Variants in RAD54B observed in about 807,000 individuals in gnomAD.
RAD54B encodes DNA repair and recombination protein RAD54B.
RAD54B carries 78 observed loss-of-function variants against 95.8 expected under a neutral mutation model. That is an observed-to-expected ratio of 0.81 (90% confidence interval 0.68 to 0.98). The LOEUF (loss-of-function observed/expected upper bound fraction) is 0.98, where lower values mean the gene tolerates loss of function less well. Ranked by LOEUF, RAD54B falls within the 50% of genes least tolerant of loss-of-function variation. The pLI is 0.00. For synonymous variants in RAD54B, 328 were observed against 354.9 expected (o/e 0.92, Z 0.85); for missense variants, 957 against 1,056.6 (o/e 0.91, Z 1.31).
Position 94,467,479 on chromosome 8 carries a change from T to C in RAD54B, c.61A>G (p.Ile21Val). The change falls in exon 2 of 15, where the codon ATA (isoleucine) becomes GTA (valine). Residue 21 changes from isoleucine (I) to valine (V), a missense_variant. Coordinates refer to ENST00000336148, the MANE Select transcript of RAD54B (RefSeq NM_012415.3). ...CCTGGATTACTTCTTCCTGGAGGTA[T>C]AAATTTTGGTTTTTTGAAGGAATTC... Reference protein sequence around the residue: ...QGNSFKKPKFIPPGRSNPGLN... With the variant: ...QGNSFKKPKFVPPGRSNPGLN... 1.9e-6 allele frequency: 3 copies of C among 1,613,848 alleles called. No homozygotes were observed. The highest frequency in any genetic ancestry group is 2.2e-5 in the East Asian group (1 of 44,884).
At chr8:94,377,826 A>G (rs1810629110) in intron 14 of RAD54B, among the ~76,000 whole-genome samples, 1 of 148,362 alleles carries the variant, frequency 6.7e-6, no homozygotes, top group Non-Finnish European at 1.5e-5. Flanking sequence ...AATACAAAAA[A>G]TTAGCCGGGC....
At chr8:94,401,269 G>A (rs59111232) in intron 6 of RAD54B, among the ~76,000 whole-genome samples, 12,184 of 151,806 alleles carry the variant, frequency 0.08, 1,012 homozygotes, top group African/African-American at 0.21. Flanking sequence ...TACCTCTCTT[G>A]CCTCCCTTCT....
chr8:94,455,700 T>C (rs1812763410), intron 3 of RAD54B, among the ~76,000 whole-genome samples: 1 of 152,198 alleles, frequency 6.6e-6, no homozygotes. Context: ...AGCAGGGCTA[T>C]GCTCTCTCTG....
At chr8:94,462,553 G>A (rs751746269) in intron 2 of RAD54B, among the ~76,000 whole-genome samples, 5 of 151,946 alleles carry the variant, frequency 3.3e-5, no homozygotes, top group Non-Finnish European at 7.4e-5. Flanking sequence ...CCCAGATTTT[G>A]TATTTATCAG....
chr8:94,376,577 A>G (rs908542988), intron 14 of RAD54B, among the ~76,000 whole-genome samples: 2 of 151,318 alleles, frequency 1.3e-5, no homozygotes, highest in African/African-American at 2.4e-5. Context: ...TAATATTTTT[A>G]ATTACCAAAA....
chr8:94,373,954 G>A (rs1692069361), intron 14 of RAD54B, among the ~76,000 whole-genome samples: 1 of 152,104 alleles, frequency 6.6e-6, no homozygotes, highest in Non-Finnish European at 1.5e-5. Flanking sequence ...TCAAATTCTT[G>A]TCAGTGTTCA....
In RAD54B at chr8:94,430,806, C is replaced by T. The variant is rs79322802; in HGVS notation, c.305-19491G>A. On this transcript the variant is annotated intron_variant, in intron 3 of 14. Coordinates refer to ENST00000336148, the MANE Select transcript of RAD54B (RefSeq NM_012415.3). ...TTTATCCCCGCATGTGAAAATTCTGCTGGAGCTAAACAGCAGCTACCCTAC... is the reference window on the plus strand; with the variant it reads ...TTTATCCCCGCATGTGAAAATTCTGTTGGAGCTAAACAGCAGCTACCCTAC... 1.6e-3 allele frequency: 1,601 copies of T among 985,432 alleles called. 17 individuals are homozygous for T. The African/African-American group carries it at 0.026, about 16-fold the overall frequency. 61.0% of individuals were successfully genotyped at this position (985,432 alleles called of 1,614,324 possible).
At chr8:94,464,673 A>C (rs894789237) in intron 2 of RAD54B, among the ~76,000 whole-genome samples, 1 of 152,246 alleles carries the variant, frequency 6.6e-6, no homozygotes, top group Non-Finnish European at 1.5e-5. Context: ...AGTTGTAGTA[A>C]GTAGACTGTA....
At chr8:94,464,155 T>C (rs1005546413) in intron 2 of RAD54B, among the ~76,000 whole-genome samples, 4 of 152,126 alleles carry the variant, frequency 2.6e-5, no homozygotes, top group African/African-American at 9.7e-5. Flanking sequence ...TATTGTTATG[T>C]GGTAAAAAGG....
intron 11 of RAD54B, 152 bp downstream of exon 11, chr8:94,386,832 A>AAGT (rs1461032802): frequency 2.0e-6 from 1 of 511,356 alleles, no homozygotes; most frequent in Non-Finnish European, 3.2e-6. Flanking sequence ...TGTTAATTAC[A>AAGT]AGTTTATGAA....
intron 3 of RAD54B, among the ~76,000 whole-genome samples, chr8:94,420,251 AT>A (rs57897762): frequency 0.054 from 6,286 of 116,982 alleles, 173 homozygotes; most frequent in African/African-American, 0.073. Flanking sequence ...AGAAAACTTG[AT>A]TTTTTTTTTT....
intron 8 of RAD54B, among the ~76,000 whole-genome samples, chr8:94,394,697 T>C (rs1811100936): frequency 6.6e-6 from 1 of 152,180 alleles, no homozygotes; most frequent in Non-Finnish European, 1.5e-5. Context: ...GTTTCAATAA[T>C]TATAATAGTG....
Position 94,428,981 on chromosome 8 carries a change from T to A in RAD54B, c.305-17666A>T, listed in dbSNP as rs943779232. ...TTTATACAGGAATTCTCATAAACTATACTATGTTAATCATGGTTATACAAG... is the reference window on the plus strand; with the variant it reads ...TTTATACAGGAATTCTCATAAACTAAACTATGTTAATCATGGTTATACAAG... On this transcript the variant is annotated intron_variant, in intron 3 of 14. Coordinates refer to ENST00000336148, the MANE Select transcript of RAD54B (RefSeq NM_012415.3). The A allele has an allele frequency of 9.2e-6, 9 of 982,512 alleles. 1 individual carries two copies. 60.9% of individuals were successfully genotyped at this position (982,512 alleles called of 1,614,324 possible). A position where few individuals can be genotyped will look rare whatever the true frequency, so the allele number is the denominator to read the frequency against.
intron 6 of RAD54B, among the ~76,000 whole-genome samples, chr8:94,402,768 G>A (rs1056838315): frequency 3.3e-5 from 5 of 152,152 alleles, no homozygotes; most frequent in Non-Finnish European, 7.4e-5. Context: ...GTGGCTTTAA[G>A]TAGAATACAT....
chr8:94,453,532 A>AAAAT (rs1157849807), intron 3 of RAD54B, among the ~76,000 whole-genome samples: 3 of 152,286 alleles, frequency 2.0e-5, no homozygotes, highest in South Asian at 4.1e-4. Flanking sequence ...CCGTCTCAAA[A>AAAAT]AAATAAATAA....
chr8:94,435,260 G>A (rs571535481), intron 3 of RAD54B, among the ~76,000 whole-genome samples: 62 of 152,122 alleles, frequency 4.1e-4, no homozygotes, highest in African/African-American at 1.4e-3. Context: ...AATCCACTGT[G>A]TATTCATGTC....
At chr8:94,392,449 A>G (rs1283018956) in intron 9 of RAD54B, among the ~76,000 whole-genome samples, 2 of 151,988 alleles carry the variant, frequency 1.3e-5, no homozygotes, top group African/African-American at 4.8e-5. Flanking sequence ...TTTAGTAAAG[A>G]TGGGGTTTCA....
Position 94,378,316 on chromosome 8 carries a change from G to A in RAD54B, c.2379C>T (p.Val793=), listed in dbSNP as rs1195693495. 6 of 1,613,804 alleles carry A rather than the reference G, an allele frequency of 3.7e-6. No homozygotes were observed. Among genetic ancestry groups the A allele is most frequent in the Middle Eastern group, 1.7e-4 (1 of 6,058 alleles). Residue 793 remains valine, a synonymous_variant, in exon 14 of 15, where the codon GTC becomes GTT. Coordinates refer to ENST00000336148, the MANE Select transcript of RAD54B (RefSeq NM_012415.3). ...ISKQGLCGAV[V]DLTKTSEHIQ... ...TATGTTCAGATGTCTTGGTGAGGTCGACAACTGCCCCACAAAGACCTTGCT... is the reference window on the plus strand; with the variant it reads ...TATGTTCAGATGTCTTGGTGAGGTCAACAACTGCCCCACAAAGACCTTGCT...
chr8:94,435,179 T>C (rs3136426), intron 3 of RAD54B, among the ~76,000 whole-genome samples: 4,789 of 152,148 alleles, frequency 0.031, 123 homozygotes, highest in Non-Finnish European at 0.048. Context: ...CGTAGTTTTC[T>C]GGATATCTAG....
Sources: gnomAD v4.1 joint callset for allele counts (sites outside exome capture counted in the v4.1 genomes callset) on GRCh38, gnomAD v4.1.1 for gene constraint, MANE v1.5 for transcripts, NCBI Gene and HGNC (gene_info 2026-07-23, HGNC 2026-07-21) for gene names.